The following ACOT1 variants were observed in gnomAD, a reference collection of about 807,000 sequenced individuals.
ACOT1 encodes acyl-CoA thioesterase 1, also known as acyl-coenzyme A thioesterase 1.
In ACOT1, 8 loss-of-function variants were observed where a neutral mutation model predicts 15.7. The ratio of observed to expected loss-of-function variants is 0.51; its 90% confidence interval spans 0.30 to 0.92. The LOEUF is 0.92. Among genes scored for constraint, ACOT1 ranks in the 40% least tolerant of loss-of-function variants. The probability of loss-of-function intolerance (pLI) is 0.06; values close to 1 mark genes in which losing one functional copy is unlikely to be tolerated. For synonymous variants in ACOT1, 67 were observed against 241.2 expected, an observed-to-expected ratio of 0.28 and a Z score of 6.69; for missense variants, 151 against 539.4, an observed-to-expected ratio of 0.28 and a Z score of 7.13.
At chr14:73,536,986 G>C (rs114373737), upstream of ACOT1, 1 of 77,272 alleles carries the variant, frequency 1.3e-5, no homozygotes, top group Admixed American at 1.8e-4. Flanking sequence ...GGTTGTTGTT[G>C]TTTTTTTTTT....
At chr14:73,508,051 G>A in the ACOT1 span, 23 of 1,311,686 alleles carry the variant, frequency 1.8e-5, no homozygotes, top group Non-Finnish European at 2.3e-5. Context: ...GGCCCCAGCT[G>A]CATTTCAGAT....
At chr14:73,492,630 T>G in the ACOT1 span, 1 of 1,613,900 alleles carries the variant, frequency 6.2e-7, no homozygotes, top group East Asian at 2.2e-5. The surrounding 1 kb of genome is among the most constrained non-coding windows in gnomAD (Gnocchi z 4.9). Context: ...CCTGTAAACG[T>G]GGGGGCCCAG....
upstream of ACOT1, among the ~76,000 whole-genome samples, chr14:73,534,257 T>C (rs1888794001): frequency 3.6e-5 from 4 of 110,140 alleles, 2 homozygotes; most frequent in South Asian, 1.2e-3. Context: ...CATGTGACTG[T>C]AATCCCAGCT....
the ACOT1 span, chr14:73,491,004 G>A: frequency 1.4e-6 from 2 of 1,408,722 alleles, no homozygotes; most frequent in South Asian, 1.6e-5. Context: ...GGGGAAGACT[G>A]GTGTGGTCTG....
the ACOT1 span, among the ~76,000 whole-genome samples, chr14:73,516,692 C>T: frequency 6.6e-6 from 1 of 152,138 alleles, no homozygotes; most frequent in Non-Finnish European, 1.5e-5. Context: ...AACCGGGCCA[C>T]CACAACAGGA....
chr14:73,498,466 T>C, the ACOT1 span: 3 of 835,572 alleles, frequency 3.6e-6, no homozygotes, highest in Non-Finnish European at 5.5e-6. Flanking sequence ...CATTAGAATT[T>C]TAGGGATAGG....
At chr14:73,518,525 G>A in the ACOT1 span, among the ~76,000 whole-genome samples, 8 of 152,268 alleles carry the variant, frequency 5.3e-5, no homozygotes, top group Admixed American at 1.3e-4. Flanking sequence ...TGTGGAAGAT[G>A]TGCACATTTT....
At chr14:73,507,997 C>T in the ACOT1 span, 12 of 765,892 alleles carry the variant, frequency 1.6e-5, no homozygotes, top group East Asian at 2.5e-5. Context: ...CCACCTGCCT[C>T]GGCCTCCCGA....
upstream of ACOT1, among the ~76,000 whole-genome samples, chr14:73,535,465 C>T (rs8005685): frequency 7.6e-4 from 12 of 15,806 alleles, no homozygotes; most frequent in Non-Finnish European, 1.7e-3. Flanking sequence ...TCTTTTTCTT[C>T]TTTCTTTTTT....
upstream of ACOT1, among the ~76,000 whole-genome samples, chr14:73,533,879 TCTA>T (rs1311206616): frequency 5.2e-4 from 15 of 28,616 alleles, 4 homozygotes; most frequent in African/African-American, 1.2e-3. Context: ...AGACCCTGTC[TCTA>T]AAAAAAAAAA....
chr14:73,517,942 T>C, the ACOT1 span, among the ~76,000 whole-genome samples: 2 of 151,940 alleles, frequency 1.3e-5, no homozygotes, highest in Non-Finnish European at 2.9e-5. Context: ...AAAAATTAGC[T>C]GGGTGTGGTG....
chr14:73,502,234 A>G, the ACOT1 span, among the ~76,000 whole-genome samples: 2 of 150,524 alleles, frequency 1.3e-5, no homozygotes, highest in African/African-American at 4.9e-5. Context: ...ACTTGGCCTT[A>G]CTCCTCTAGC....
At chr14:73,523,878 C>T in the ACOT1 span, among the ~76,000 whole-genome samples, 5 of 152,280 alleles carry the variant, frequency 3.3e-5, no homozygotes, top group Middle Eastern at 3.4e-3. Context: ...TATGATACCT[C>T]GCATTGTTAA....
At chr14:73,495,137 T>C in the ACOT1 span, 821,730 of 1,134,230 alleles carry the variant, frequency 0.72, 300,891 homozygotes, top group African/African-American at 0.91. Context: ...TTTCATCCTC[T>C]AAGGCTTGCT....
the ACOT1 span, chr14:73,493,031 C>A: frequency 6.5e-7 from 1 of 1,530,384 alleles, no homozygotes; most frequent in South Asian, 1.2e-5. Flanking sequence ...AACTCACGTT[C>A]TTACCTTGAT....
chr14:73,523,002 A>G, the ACOT1 span: 10 of 1,614,094 alleles, frequency 6.2e-6, no homozygotes, highest in Non-Finnish European at 8.5e-6. Context: ...TGTGAGCTGA[A>G]GAAGACCATA....
the ACOT1 span, chr14:73,490,988 C>G: frequency 7.5e-7 from 1 of 1,334,382 alleles, no homozygotes; most frequent in Non-Finnish European, 9.7e-7. Flanking sequence ...CCCCGGCCGG[C>G]CGGGCGGGGA....
chr14:73,494,551 T>G, the ACOT1 span, among the ~76,000 whole-genome samples: 51 of 152,226 alleles, frequency 3.4e-4, no homozygotes, highest in African/African-American at 1.1e-3. Context: ...TATTTTTTGT[T>G]TGTTTGTTTT....
chr14:73,515,263 C>T, the ACOT1 span, among the ~76,000 whole-genome samples: 54 of 152,178 alleles, frequency 3.5e-4, no homozygotes, highest in African/African-American at 1.2e-3. Context: ...TAATCAGTCA[C>T]TATCAGCCAT....
Sources: gnomAD v4.1 joint callset for allele counts (sites outside exome capture counted in the v4.1 genomes callset) on GRCh38, gnomAD v4.1.1 for gene constraint, Gnocchi (gnomAD v3.1) non-coding constraint, MANE v1.5 for transcripts, NCBI Gene and HGNC (gene_info 2026-07-23, HGNC 2026-07-21) for gene names.